The following PER1 variants were observed in gnomAD, a reference collection of about 807,000 sequenced individuals.
The protein encoded by PER1 is period circadian regulator 1.
Under a neutral mutation model 125.9 loss-of-function variants are expected in PER1, and 87 were observed. That is an observed-to-expected ratio of 0.69 (90% CI 0.58 to 0.83). PER1 has a LOEUF of 0.83. Ranked by LOEUF, PER1 falls within the 40% of genes least tolerant of loss-of-function variation. PER1 has a pLI of 0.00. For missense variants in PER1, 1,775 were observed against 1,722.8 expected, an observed-to-expected ratio of 1.03 and a Z score of -0.54; for synonymous variants, 801 against 714.7, an observed-to-expected ratio of 1.12 and a Z score of -1.93.
In PER1 at chr17:8,147,744, T is replaced by G; in HGVS notation, c.1318A>C (p.Ser440Arg). 1 of 1,614,078 alleles carries G rather than the reference T, an allele frequency of 6.2e-7. No homozygotes were observed. The highest frequency in any genetic ancestry group is 8.5e-7 in the Non-Finnish European group (1 of 1,180,008). The change falls in exon 11 of 23, where the codon AGC (serine) becomes CGC (arginine). Residue 440 changes from serine to arginine, a missense_variant. Coordinates refer to ENST00000317276, the MANE Select transcript of PER1 (RefSeq NM_002616.3). Reference protein sequence around the residue: ...RNGEYVTMDTSWAGFVHPWSR... With the variant: ...RNGEYVTMDTRWAGFVHPWSR... ...CAGGGGTGCACAAAGCCAGCCCAGCTGGTGTCCATGGTGACATACTCCCCG... is the reference window on the plus strand; with the variant it reads ...CAGGGGTGCACAAAGCCAGCCCAGCGGGTGTCCATGGTGACATACTCCCCG...
intron 17 of PER1, among the ~76,000 whole-genome samples, chr17:8,145,324 C>CTTTTTTTTTTT (rs398030276): frequency 8.8e-5 from 11 of 125,506 alleles, no homozygotes; most frequent in South Asian, 2.5e-4. Context: ...TTTCTTGTTT[C>CTTTTTTTTTTT]TTTTTTTTTT....
rs779835528 is a variant in PER1 at position 8,144,731 on chromosome 17, AG to A, written c.2461+19del. On this transcript the variant is annotated intron_variant, in intron 18 of 22. Coordinates refer to ENST00000317276, the MANE Select transcript of PER1 (RefSeq NM_002616.3). ...CTAGACTGGGCAGAGGGCAGGCTCC[AG>A]GAGGCCCCAGGTGGCTACCTCGCTC... The A allele has an allele frequency of 6.4e-7, 1 of 1,553,256 alleles. No individual in the cohort carries two copies. Among genetic ancestry groups the A allele is most frequent in the South Asian group, 1.2e-5 (1 of 84,618 alleles).
chr17:8,144,349 G>A, intron 18 of PER1: 1 of 414,816 alleles, frequency 2.4e-6, no homozygotes. Context: ...TCTCCCTCAG[G>A]CACCTGGAGG....
chr17:8,148,156 C>A (rs780079410), intron 9 of PER1, 25 bp downstream of exon 9: 8 of 1,612,798 alleles, frequency 5.0e-6, no homozygotes. Context: ...TGGCTGCCCT[C>A]GTCTCCTCTA....
rs752497976 is a variant in PER1 at position 8,141,870 on chromosome 17, G to A, written c.3535C>T (p.Arg1179Trp). ...QQPRFSEDQR[R>W]ELGAVHSWVR... Reference sequence around the variant, plus strand: ...CAGGAGTGCACAGCACCCAGTTCCCGCCGCTGGTCCTCAGAAAACCGAGGC... The same window carrying A: ...CAGGAGTGCACAGCACCCAGTTCCCACCGCTGGTCCTCAGAAAACCGAGGC... The change falls in exon 22 of 23, where the codon CGG becomes TGG. Residue 1179 changes from arginine to tryptophan, a missense_variant. Arg to Trp is a moderately radical substitution (Grantham distance 101). Coordinates refer to ENST00000317276, the MANE Select transcript of PER1 (RefSeq NM_002616.3). 5.0e-6 allele frequency: 8 copies of A among 1,613,982 alleles called. No individual in the cohort carries two copies. Among genetic ancestry groups the A allele is most frequent in the Admixed American group, 3.3e-5 (2 of 59,998 alleles).
At position 8,141,204 on chromosome 17, in the gene PER1, C is replaced by T; in HGVS notation, c.3737G>A (p.Gly1246Asp). ...GEQGSSGGGS[G>D]EGEGCEEAQG... ...GGCCTCCTCGCAGCCCTCTCCCTCA[C>T]CACTGCCGCCACCGCTGCTGCCCTG... The change falls in exon 23 of 23, where the codon GGT becomes GAT. Residue 1246 changes from glycine to aspartate, a missense_variant. Gly to Asp is a moderately conservative substitution (Grantham distance 94). Transcript: ENST00000317276. The T allele has an allele frequency of 1.2e-6, 2 of 1,614,198 alleles. No homozygotes were observed. Among genetic ancestry groups the T allele is most frequent in the Non-Finnish European group, 1.7e-6 (2 of 1,180,034 alleles).
chr17:8,146,898 A>AGGGAGGCGGGGCCGGGAC lies in PER1; in HGVS notation c.1716_1733dup (p.Ser573_Pro578dup), dbSNP rs1476131615. The AGGGAGGCGGGGCCGGGAC allele has an allele frequency of 6.2e-7, 1 of 1,613,554 alleles. No homozygotes were observed. The highest frequency in any genetic ancestry group is 1.3e-5 in the African/African-American group (1 of 75,028). Reference sequence around the variant, plus strand: ...ACCCACACATCATCATCAACTCACCAGGGAGGCGGGGCCGGGACTGAGGCC... The same window carrying AGGGAGGCGGGGCCGGGAC: ...ACCCACACATCATCATCAACTCACCAGGGAGGCGGGGCCGGGACGGGAGGCGGGGCCGGGACTGAGGCC... On this transcript the variant is annotated inframe_insertion and splice_region_variant, in exon 14 of 23. Coordinates refer to ENST00000317276, the MANE Select transcript of PER1 (RefSeq NM_002616.3).
chr17:8,152,069 T>C (rs774939331), intron 1 of PER1, among the ~76,000 whole-genome samples: 1 of 152,092 alleles, frequency 6.6e-6, no homozygotes, highest in Non-Finnish European at 1.5e-5. Flanking sequence ...GACCGGGGCA[T>C]GCCCGCTGAG....
intron 5 of PER1, 24 bp from the exon 6 acceptor site, chr17:8,149,687 G>C (rs745311248): frequency 3.7e-6 from 6 of 1,610,602 alleles, no homozygotes; most frequent in East Asian, 2.2e-5. Flanking sequence ...GAGAGCAAGA[G>C]CAGATTCAAG....
In PER1 at chr17:8,146,840, G is replaced by A. The variant is rs937905766; in HGVS notation, c.1735+57C>T. 6 of 1,603,828 alleles carry A rather than the reference G, an allele frequency of 3.7e-6. No homozygotes were observed. In the Admixed American group the frequency reaches 6.8e-5, roughly 18 times the overall value. On this transcript the variant is annotated intron_variant, in intron 14 of 22. Transcript: ENST00000317276. ...AAAAAACAGCAAATGGGTTGGGGGTGAAGGTCAGGGGACCCCCCAGGTCTG... is the reference window on the plus strand; with the variant it reads ...AAAAAACAGCAAATGGGTTGGGGGTAAAGGTCAGGGGACCCCCCAGGTCTG...
At position 8,140,895 on chromosome 17, in the gene PER1, A is replaced by G. The variant is rs1982038072; in HGVS notation, c.*173T>C. 4.4e-6 allele frequency: 3 copies of G among 686,446 alleles called. No homozygotes were observed. The highest frequency in any genetic ancestry group is 3.9e-5 in the South Asian group (2 of 51,688). 42.5% of individuals were successfully genotyped at this position (686,446 alleles called of 1,614,324 possible). On this transcript the variant is annotated 3_prime_UTR_variant, in exon 23 of 23. Coordinates refer to ENST00000317276, the MANE Select transcript of PER1 (RefSeq NM_002616.3). ...GGAGTTCTGCTCTCTGCTCCCTAAG[A>G]GGCCAGAGGCAGCCCCTGGATCCTA...
In PER1 at chr17:8,148,236, T is replaced by G; in HGVS notation, c.1072A>C (p.Arg358=). The G allele has an allele frequency of 6.2e-7, 1 of 1,614,102 alleles. No individual in the cohort carries two copies. The highest frequency in any genetic ancestry group is 8.5e-7 in the Non-Finnish European group (1 of 1,179,996). ...GGTGTGTGCCGCGTAGTGAAAATCC[T>G]CTTGTCAGGGGGTATCCGGGGAGCT... ...YEAPRIPPDK[R]IFTTRHTPSC... is the part of the protein sequence containing the mutation. The change falls in exon 9 of 23, where the codon AGG becomes CGG. Residue 358 remains arginine, a synonymous_variant. Transcript: ENST00000317276.
intron 8 of PER1, 45 bp from the exon 9 acceptor site, chr17:8,148,304 C>G: frequency 6.6e-7 from 1 of 1,507,294 alleles, no homozygotes; most frequent in South Asian, 1.1e-5. Context: ...CCAGAATGCC[C>G]AACTCCTCAG....
rs745789442 is a variant in PER1 at position 8,141,212 on chromosome 17, G to A, written c.3729C>T (p.Gly1243=). The A allele has an allele frequency of 9.3e-6, 15 of 1,613,950 alleles. No homozygotes were observed. The highest frequency in any genetic ancestry group is 6.7e-5 in the African/African-American group (5 of 74,902). ...CGCAGCCCTCTCCCTCACCACTGCC[G>A]CCACCGCTGCTGCCCTGCTCGCCTC... ...EGGGEQGSSG[G]GSGEGEGCEE... is the part of the protein sequence containing the mutation. Residue 1243 remains glycine (G), a synonymous_variant, in exon 23 of 23, where the codon GGC becomes GGT. Transcript: ENST00000317276.
At position 8,145,970 on chromosome 17, in the gene PER1, GCTT is replaced by G; in HGVS notation, c.2203_2205del (p.Lys735del). 1.2e-6 allele frequency: 2 copies of G among 1,607,132 alleles called. No individual in the cohort carries two copies. The highest frequency in any genetic ancestry group is 8.5e-7 in the Non-Finnish European group (1 of 1,176,378). ...TCCACACCCATACCCGACTCCGGGG[GCTT>G]CTTGTCTCCCACATGGACGATGGTG... On this transcript the variant is annotated inframe_deletion, in exon 17 of 23. Transcript: ENST00000317276.
rs775116483 is a variant in PER1 at position 8,144,898 on chromosome 17, C to T, written c.2314G>A (p.Ala772Thr). The change falls in exon 18 of 23, where the codon GCC becomes ACC. Residue 772 changes from alanine to threonine, a missense_variant. Transcript: ENST00000317276. ...PTVAPDPAPD[A>T]YRPVGLTKAV... The stretch of plus-strand genomic sequence containing the variant: ...TTGGTCAGCCCCACTGGACGGTAGG[C>T]GTCTGGGGCTGGGTCAGGGGCTACT... 4.0e-5 allele frequency: 62 copies of T among 1,552,500 alleles called. No homozygotes were observed. The South Asian group carries it at 5.6e-4, about 14-fold the overall frequency.
rs1023630295 is a variant in PER1 at position 8,148,076 on chromosome 17, G to A, written c.1155C>T (p.Pro385=). Residue 385 remains proline, a synonymous_variant, in exon 10 of 23, where the codon CCC becomes CCT. Coordinates refer to ENST00000317276, the MANE Select transcript of PER1 (RefSeq NM_002616.3). ...GCACTGGGGCCCCCAGGAGGTCCTG[G>A]GGCAGGTAGCCCAGCAGGGGGGCAG... ...ERAAPLLGYL[P]QDLLGAPVLL... is the part of the protein sequence containing the mutation. The A allele has an allele frequency of 6.2e-7, 1 of 1,612,396 alleles. No individual in the cohort carries two copies. Among genetic ancestry groups the A allele is most frequent in the Non-Finnish European group, 8.5e-7 (1 of 1,179,316 alleles).
chr17:8,147,734 C>A lies in PER1; in HGVS notation c.1328G>T (p.Gly443Val). Reference protein sequence around the residue: ...EYVTMDTSWAGFVHPWSRKVA... With the variant: ...EYVTMDTSWAVFVHPWSRKVA... The stretch of plus-strand genomic sequence containing the variant: ...CTTGCGGCTCCAGGGGTGCACAAAG[C>A]CAGCCCAGCTGGTGTCCATGGTGAC... Residue 443 changes from glycine to valine, a missense_variant, in exon 11 of 23, where the codon GGC (glycine) becomes GTC (valine). Coordinates refer to ENST00000317276, the MANE Select transcript of PER1 (RefSeq NM_002616.3). The A allele has an allele frequency of 2.5e-6, 4 of 1,614,084 alleles. No individual in the cohort carries two copies. Among genetic ancestry groups the A allele is most frequent in the Non-Finnish European group, 3.4e-6 (4 of 1,180,014 alleles).
intron 1 of PER1, among the ~76,000 whole-genome samples, 151 bp from the exon 2 acceptor site, chr17:8,150,996 A>G (rs1982828306): frequency 6.6e-6 from 1 of 152,234 alleles, no homozygotes; most frequent in South Asian, 2.1e-4. Flanking sequence ...GGGAGTCAGG[A>G]TGTCTCCTGT....
Sources: gnomAD v4.1 joint callset for allele counts (sites outside exome capture counted in the v4.1 genomes callset) on GRCh38, gnomAD v4.1.1 for gene constraint, MANE v1.5 for transcripts, NCBI Gene and HGNC (gene_info 2026-07-23, HGNC 2026-07-21) for gene names.